Variants in SNX2 observed in about 807,000 individuals in gnomAD.
The protein encoded by SNX2 is sorting nexin-2.
SNX2 carries 25 observed loss-of-function variants against 69.9 expected under a neutral mutation model. The ratio of observed to expected loss-of-function variants is 0.36; its 90% CI spans 0.26 to 0.50. The LOEUF (loss-of-function observed/expected upper bound fraction) is 0.50. Ranked by LOEUF, SNX2 falls within the 20% of genes least tolerant of loss-of-function variation. The pLI is 0.97. For synonymous variants in SNX2, 229 were observed against 200.4 expected, an observed-to-expected ratio of 1.14 and a Z score of -1.20; for missense variants, 551 against 613.3, an observed-to-expected ratio of 0.90 and a Z score of 1.07.
intron 1 of SNX2, chr5:122,775,415 C>T: frequency 1.6e-6 from 2 of 1,268,004 alleles, no homozygotes; most frequent in Non-Finnish European, 2.0e-6. Context: ...CAGCCTGCGG[C>T]CCGCGGGTGC....
chr5:122,799,323 A>G (rs1331834357), intron 2 of SNX2, among the ~76,000 whole-genome samples: 2 of 152,200 alleles, frequency 1.3e-5, no homozygotes, highest in Non-Finnish European at 2.9e-5. Context: ...TTATATGTAT[A>G]AAATAATCAT....
chr5:122,805,497 C>T (rs968739891), intron 6 of SNX2, among the ~76,000 whole-genome samples: 3 of 151,848 alleles, frequency 2.0e-5, no homozygotes, highest in Non-Finnish European at 4.4e-5. Context: ...GTTATTGGTA[C>T]CCTTTACAGT....
chr5:122,806,142 G>GCACGCGCGCACACACACACACA (rs1554063175), intron 6 of SNX2, among the ~76,000 whole-genome samples: 7 of 130,584 alleles, frequency 5.4e-5, no homozygotes, highest in African/African-American at 1.7e-4. Context: ...ACACGCGCGC[G>GCACGCGCGCACACACACACACA]CACACACACA....
intron 3 of SNX2, among the ~76,000 whole-genome samples, chr5:122,800,747 T>C (rs1443239832): frequency 6.6e-6 from 1 of 152,214 alleles, no homozygotes; most frequent in Non-Finnish European, 1.5e-5. Context: ...TTTAAAAATA[T>C]CTGTACAAGA....
intron 10 of SNX2, 55 bp from the exon 11 acceptor site, chr5:122,818,763 A>C (rs1753954204): frequency 2.8e-6 from 4 of 1,443,296 alleles, no homozygotes; most frequent in Non-Finnish European, 3.8e-6. Context: ...TCAATACAAT[A>C]TTTTAAAATT....
intron 6 of SNX2, among the ~76,000 whole-genome samples, chr5:122,806,111 T>TGTGTGC (rs1561460896): frequency 1.5e-5 from 1 of 64,580 alleles, no homozygotes; most frequent in East Asian, 7.5e-4. Flanking sequence ...TGTGTGTGTG[T>TGTGTGC]GCGTGTGTGT....
intron 1 of SNX2, among the ~76,000 whole-genome samples, chr5:122,782,189 G>A (rs898781449): frequency 8.6e-5 from 13 of 152,024 alleles, no homozygotes; most frequent in African/African-American, 3.1e-4. Context: ...CATACCATCT[G>A]AATATTATCT....
intron 7 of SNX2, among the ~76,000 whole-genome samples, chr5:122,815,015 C>T (rs991339332): frequency 6.6e-6 from 1 of 152,174 alleles, no homozygotes; most frequent in African/African-American, 2.4e-5. Flanking sequence ...TCCCAAAGTG[C>T]TGGGATTACA....
At chr5:122,807,683 A>T (rs1408844909) in intron 6 of SNX2, among the ~76,000 whole-genome samples, 2 of 152,224 alleles carry the variant, frequency 1.3e-5, no homozygotes, top group Non-Finnish European at 2.9e-5. Flanking sequence ...AGTAATTAAC[A>T]TGACTTATTT....
chr5:122,833,938 T>C lies in SNX2; in HGVS notation c.*4290T>C, dbSNP rs1402726978. 1 of 152,220 alleles carries C rather than the reference T, an allele frequency of 6.6e-6. No individual in the cohort carries two copies. The highest frequency in any genetic ancestry group is 1.9e-4 in the East Asian group (1 of 5,206). 9.4% of individuals were successfully genotyped at this position (152,220 alleles called of 1,614,324 possible). On this transcript the variant is annotated 3_prime_UTR_variant, in exon 15 of 15. Coordinates refer to ENST00000379516, the MANE Select transcript of SNX2 (RefSeq NM_003100.4). ...TTTTGCAAGTAGTGGATGTTCAATATCTACAATAAATGAATTGTAGTACTA... is the reference window on the plus strand; with the variant it reads ...TTTTGCAAGTAGTGGATGTTCAATACCTACAATAAATGAATTGTAGTACTA...
chr5:122,827,564 T>C lies in SNX2; in HGVS notation c.1438-11T>C, dbSNP rs1462944218. Reference sequence around the variant, plus strand: ...TTCTACTAACGGACTTTTTAAAATGTACTTCAACAGAAAGAACGAGTGAAG... The same window carrying C: ...TTCTACTAACGGACTTTTTAAAATGCACTTCAACAGAAAGAACGAGTGAAG... On this transcript the variant is annotated splice_polypyrimidine_tract_variant and intron_variant, in intron 13 of 14. Coordinates refer to ENST00000379516, the MANE Select transcript of SNX2 (RefSeq NM_003100.4). The C allele has an allele frequency of 1.2e-6, 2 of 1,611,674 alleles. No individual in the cohort carries two copies. Among genetic ancestry groups the C allele is most frequent in the South Asian group, 1.1e-5 (1 of 90,962 alleles).
Position 122,830,535 on chromosome 5 carries a change from T to A in SNX2, c.*887T>A, listed in dbSNP as rs2150019997. On this transcript the variant is annotated 3_prime_UTR_variant, in exon 15 of 15. Transcript: ENST00000379516. ...TTTCTTTTAAACTAAAAGTATATCA[T>A]CTGTGCTCACAGTTGACAAGGAATG... 1.3e-5 allele frequency among the ~76,000 whole-genome samples: 2 copies of A among 152,328 alleles called. 1 individual carries two copies. Among genetic ancestry groups the A allele is most frequent in the Non-Finnish European group, 2.9e-5 (2 of 68,032 alleles).
Position 122,829,793 on chromosome 5 carries a change from C to T in SNX2, c.*145C>T, listed in dbSNP as rs1581651248. 12 of 603,000 alleles carry T rather than the reference C, an allele frequency of 2.0e-5. No individual in the cohort carries two copies. The East Asian group carries it at 3.0e-4, about 15-fold the overall frequency. The allele number at this position is 603,000 out of a possible 1,614,324, so 37.4% of individuals were successfully genotyped here. ...TTTTATATACACACACACACACACA[C>T]ACACACACACACACACACTCTGACA... On this transcript the variant is annotated 3_prime_UTR_variant, in exon 15 of 15. Coordinates refer to ENST00000379516, the MANE Select transcript of SNX2 (RefSeq NM_003100.4).
rs564204674 is a variant in SNX2 at position 122,824,006 on chromosome 5, C to G, written c.1213-2044C>G. On this transcript the variant is annotated intron_variant, in intron 11 of 14. Coordinates refer to ENST00000379516, the MANE Select transcript of SNX2 (RefSeq NM_003100.4). ...CATGAGATCAGGAGATCGAGACCATCCTGGCTAACACAGTGAAACCCCGTC... is the reference window on the plus strand; with the variant it reads ...CATGAGATCAGGAGATCGAGACCATGCTGGCTAACACAGTGAAACCCCGTC... Among the ~76,000 whole-genome samples the G allele has an allele frequency of 3.8e-3, 580 of 151,962 alleles. 2 individuals are homozygous for G. The highest frequency in any genetic ancestry group is 0.013 in the African/African-American group (543 of 41,426).
At chr5:122,821,755 G>A (rs1357881004) in intron 11 of SNX2, among the ~76,000 whole-genome samples, 2 of 151,850 alleles carry the variant, frequency 1.3e-5, no homozygotes, top group East Asian at 1.9e-4. Context: ...GCGCCTGGCC[G>A]GTAGATGTCT....
At chr5:122,796,399 T>A (rs1038064173) in intron 2 of SNX2, among the ~76,000 whole-genome samples, 2 of 152,212 alleles carry the variant, frequency 1.3e-5, no homozygotes, top group African/African-American at 4.8e-5. Flanking sequence ...TGAGAAGTTG[T>A]CACTGGAGAT....
intron 14 of SNX2, among the ~76,000 whole-genome samples, chr5:122,828,782 T>C (rs1754214837): frequency 6.6e-6 from 1 of 152,150 alleles, no homozygotes; most frequent in African/African-American, 2.4e-5. Context: ...ATATGAAATA[T>C]ATTGACGGAC....
At chr5:122,811,619 C>G (rs550915848) in intron 7 of SNX2, among the ~76,000 whole-genome samples, 2 of 151,902 alleles carry the variant, frequency 1.3e-5, no homozygotes, top group South Asian at 4.2e-4. Flanking sequence ...ATCACGAGGT[C>G]AAGAGATCAA....
At chr5:122,789,295 A>T (rs147315587) in intron 1 of SNX2, among the ~76,000 whole-genome samples, 3 of 152,312 alleles carry the variant, frequency 2.0e-5, no homozygotes, top group Admixed American at 1.3e-4. Flanking sequence ...CTGTTTGGCT[A>T]CACATGTGCT....
Sources: allele counts gnomAD v4.1 joint callset (sites outside exome capture counted in the v4.1 genomes callset), GRCh38; gene constraint gnomAD v4.1.1; transcripts MANE v1.5; gene names NCBI Gene and HGNC (gene_info 2026-07-23, HGNC 2026-07-21).